CLTCL1: variants seen among roughly 807,000 people sequenced by gnomAD.
The protein encoded by CLTCL1 is clathrin heavy chain like 1, also known as clathrin heavy chain 2.
CLTCL1 carries 159 observed loss-of-function variants against 190.0 expected under a neutral mutation model. The ratio of observed to expected loss-of-function variants is 0.84; its 90% confidence interval spans 0.74 to 0.95. The LOEUF (loss-of-function observed/expected upper bound fraction) is 0.95, where lower values mean the gene tolerates loss of function less well. Among genes scored for constraint, CLTCL1 ranks in the 40% least tolerant of loss-of-function variants. The pLI, the probability that CLTCL1 is intolerant of heterozygous loss-of-function variation, is 0.00. For missense variants in CLTCL1, 1,878 were observed against 2,033.4 expected (o/e 0.92, Z 1.47); for synonymous variants, 752 against 769.6 (o/e 0.98, Z 0.38).
intron 19 of CLTCL1, among the ~76,000 whole-genome samples, 192 bp from the exon 20 acceptor site, chr22:19,210,701 G>A (rs1427453956): frequency 6.6e-6 from 1 of 152,148 alleles, no homozygotes; most frequent in Non-Finnish European, 1.5e-5. Context: ...GTATAGCAAA[G>A]TCTTGGGAAA....
In CLTCL1 at chr22:19,275,671, C is replaced by A. The variant is rs782770202; in HGVS notation, c.202G>T (p.Ala68Ser). 6.2e-7 allele frequency: 1 copy of A among 1,606,782 alleles called. No individual in the cohort carries two copies. The change falls in exon 2 of 33, where the codon GCA (alanine) becomes TCA (serine). Residue 68 changes from alanine (A) to serine (S), a missense_variant. Transcript: ENST00000427926. The stretch of plus-strand genomic sequence containing the variant: ...GCTGGATTCATGATGGCACTCTCTG[C>A]AGAGATAGGCCGTCGGATCGGAGCC... ...PMAPIRRPIS[A>S]ESAIMNPASK...
chr22:19,183,653 G>A (rs781875983), intron 29 of CLTCL1, 42 bp from the exon 30 acceptor site: 2 of 1,585,888 alleles, frequency 1.3e-6, no homozygotes, highest in East Asian at 2.2e-5. Flanking sequence ...CCTGCAGGCA[G>A]AGGCTTTGTG....
In CLTCL1 at chr22:19,222,557, C is replaced by T. The variant is rs568074201; in HGVS notation, c.2418+127G>A. On this transcript the variant is annotated intron_variant, in intron 15 of 32. Transcript: ENST00000427926. ...CTTCTACTCTGGCAGTCTGAGCACA[C>T]GAACCCACCACCCTTCAAAATGATA... 3.8e-5 allele frequency: 43 copies of T among 1,144,714 alleles called. 1 individual carries two copies. The South Asian group carries it at 4.5e-4, about 12-fold the overall frequency. The allele number at this position is 1,144,714 out of a possible 1,614,324, so 70.9% of individuals were successfully genotyped here.
Position 19,201,506 on chromosome 22 carries a change from G to A in CLTCL1, c.3601-13C>T, listed in dbSNP as rs782117509. On this transcript the variant is annotated splice_polypyrimidine_tract_variant and intron_variant, in intron 22 of 32. Coordinates refer to ENST00000427926, the MANE Select transcript of CLTCL1 (RefSeq NM_007098.4). ...AGCGGTCTCCAACCTACGGATAATA[G>A]GGTAGCTCGACTGAGACACTCTTCA... 1 of 1,603,826 alleles carries A rather than the reference G, an allele frequency of 6.2e-7. No homozygotes were observed. Among genetic ancestry groups the A allele is most frequent in the East Asian group, 2.2e-5 (1 of 44,542 alleles).
chr22:19,235,212 C>T (rs2086042990), intron 6 of CLTCL1, among the ~76,000 whole-genome samples: 2 of 151,864 alleles, frequency 1.3e-5, no homozygotes, highest in Admixed American at 1.3e-4. Context: ...CTGTTTCACC[C>T]AGGCTGGAGT....
intron 15 of CLTCL1, among the ~76,000 whole-genome samples, 164 bp downstream of exon 15, chr22:19,222,520 C>G (rs2085606081): frequency 6.6e-6 from 1 of 152,200 alleles, no homozygotes; most frequent in Non-Finnish European, 1.5e-5. Context: ...TTTCAGCTGC[C>G]TGGACTGTGG....
chr22:19,209,953 T>C (rs562201724), intron 20 of CLTCL1, among the ~76,000 whole-genome samples: 1 of 149,798 alleles, frequency 6.7e-6, no homozygotes, highest in South Asian at 2.1e-4. Flanking sequence ...GTATAGGGGG[T>C]GAGTAGCATG....
chr22:19,249,661 A>G (rs1477393292), intron 3 of CLTCL1, among the ~76,000 whole-genome samples: 6 of 152,094 alleles, frequency 3.9e-5, no homozygotes, highest in Admixed American at 3.9e-4. Flanking sequence ...GCACCATTGC[A>G]CTCCAGCCTG....
intron 1 of CLTCL1, among the ~76,000 whole-genome samples, chr22:19,291,083 T>C (rs1315100338): frequency 2.0e-5 from 3 of 152,188 alleles, no homozygotes; most frequent in Non-Finnish European, 2.9e-5. Flanking sequence ...AGGCAGGCTT[T>C]GGGGGTGTTA....
At chr22:19,184,175 T>G in intron 29 of CLTCL1, 1 of 268,902 alleles carries the variant, frequency 3.7e-6, no homozygotes, top group Non-Finnish European at 7.4e-6. Flanking sequence ...CATTCTCTAT[T>G]TTCTAGCTCC....
rs781891275 is a variant in CLTCL1, at chr22:19,199,782, G to A, written c.3825C>T (p.His1275=). 4 of 1,598,780 alleles carry A rather than the reference G, an allele frequency of 2.5e-6. No homozygotes were observed. In the Admixed American group the frequency reaches 5.2e-5, roughly 21 times the overall value. Reference sequence around the variant, plus strand: ...CCAGCTCATCTGCATGAATGACGATGTGAAGACCACACAGCTGTGCGAAGC... The same window carrying A: ...CCAGCTCATCTGCATGAATGACGATATGAAGACCACACAGCTGTGCGAAGC... ...EFRFAQLCGL[H]IVIHADELEE... is the part of the protein sequence containing the mutation. The change falls in exon 24 of 33, where the codon CAC becomes CAT. Residue 1275 remains histidine (H), a synonymous_variant. Coordinates refer to ENST00000427926, the MANE Select transcript of CLTCL1 (RefSeq NM_007098.4).
intron 2 of CLTCL1, chr22:19,258,079 CAAGG>C: frequency 2.3e-6 from 1 of 438,818 alleles, no homozygotes; most frequent in East Asian, 5.6e-5. Flanking sequence ...ATGGGCTCTG[CAAGG>C]TCACTGATGA....
Position 19,229,848 on chromosome 22 carries a change from T to A in CLTCL1, c.1772A>T (p.His591Leu). Residue 591 changes from histidine (H) to leucine (L), a missense_variant, in exon 11 of 33, where the codon CAT (histidine) becomes CTT (leucine). His to Leu is a moderately conservative substitution (Grantham distance 99). Transcript: ENST00000427926. ...CTACAAGTCACTGACCTGGGGTGCA[T>A]GAACAAGGTTCATCTCCAACAGCCA... is the stretch of plus-strand genomic sequence containing the variant. ...QTWLLEMNLV[H>L]APQVADAILG... The A allele has an allele frequency of 6.2e-7, 1 of 1,608,948 alleles. No homozygotes were observed.
intron 2 of CLTCL1, among the ~76,000 whole-genome samples, chr22:19,272,561 C>G (rs889002810): frequency 6.6e-6 from 1 of 152,178 alleles, no homozygotes; most frequent in Non-Finnish European, 1.5e-5. Flanking sequence ...ACTTCTGCCT[C>G]CTGGGTTCAA....
intron 2 of CLTCL1, among the ~76,000 whole-genome samples, chr22:19,265,240 G>C (rs2087083962): frequency 6.6e-6 from 1 of 152,134 alleles, no homozygotes; most frequent in Non-Finnish European, 1.5e-5. Flanking sequence ...CATAATTTAG[G>C]TGTGATGTAG....
chr22:19,257,346 T>C (rs781818889), intron 2 of CLTCL1, among the ~76,000 whole-genome samples: 3 of 152,128 alleles, frequency 2.0e-5, no homozygotes, highest in Non-Finnish European at 4.4e-5. Context: ...GAAAAAAGAA[T>C]ACTCTTTTCA....
At chr22:19,201,107 G>A (rs1555938951) in intron 23 of CLTCL1, among the ~76,000 whole-genome samples, 1 of 152,206 alleles carries the variant, frequency 6.6e-6, no homozygotes, top group Non-Finnish European at 1.5e-5. Context: ...GTAATTCCAT[G>A]CTATTAAGGC....
intron 2 of CLTCL1, among the ~76,000 whole-genome samples, chr22:19,259,251 G>A (rs782409611): frequency 6.6e-6 from 1 of 151,980 alleles, no homozygotes; most frequent in Non-Finnish European, 1.5e-5. Context: ...GATTACAGGC[G>A]CCCACCACCA....
intron 9 of CLTCL1, 24 bp downstream of exon 9, chr22:19,233,142 T>A (rs1201992898): frequency 6.3e-7 from 1 of 1,597,940 alleles, no homozygotes; most frequent in Non-Finnish European, 8.6e-7. Context: ...ATCTGTGAGA[T>A]GCCAGTGGTT....
Sources: gnomAD v4.1 joint callset for allele counts (sites outside exome capture counted in the v4.1 genomes callset) on GRCh38, gnomAD v4.1.1 for gene constraint, MANE v1.5 for transcripts, NCBI Gene and HGNC (gene_info 2026-07-23, HGNC 2026-07-21) for gene names.